TTC17: variants seen among roughly 807,000 people sequenced by gnomAD.
The protein encoded by TTC17 is tetratricopeptide repeat domain 17.
In TTC17, 58 loss-of-function variants were observed where a neutral mutation model predicts 143.8. The observed-to-expected ratio is 0.40, with a 90% CI of 0.33 to 0.50. TTC17 has a LOEUF of 0.50. TTC17 is among the 20% of genes least tolerant of loss of function. The pLI is 0.49. For synonymous variants in TTC17, 501 were observed against 497.8 expected (o/e 1.01, Z -0.09); for missense variants, 1,273 against 1,392.5 (o/e 0.91, Z 1.37).
At chr11:43,430,761 A>T (rs1246377594) in intron 16 of TTC17, among the ~76,000 whole-genome samples, 1 of 150,174 alleles carries the variant, frequency 6.7e-6, no homozygotes, top group Non-Finnish European at 1.5e-5. Context: ...AGTTGAAATT[A>T]TGCAGATACA....
intron 2 of TTC17, among the ~76,000 whole-genome samples, 169 bp from the exon 3 acceptor site, chr11:43,389,483 T>C (rs1439233588): frequency 1.3e-5 from 2 of 152,206 alleles, no homozygotes; most frequent in Non-Finnish European, 2.9e-5. Context: ...GGACATCTTT[T>C]TTGAGAAGCT....
intron 15 of TTC17, 23 bp downstream of exon 15, chr11:43,407,600 A>G (rs377355630): frequency 6.2e-7 from 1 of 1,601,520 alleles, no homozygotes; most frequent in African/African-American, 1.3e-5. Context: ...GGGATTTCAT[A>G]GTTCCGTATA....
At chr11:43,408,984 C>T (rs1342050780) in intron 15 of TTC17, among the ~76,000 whole-genome samples, 1 of 152,132 alleles carries the variant, frequency 6.6e-6, no homozygotes, top group African/African-American at 2.4e-5. Context: ...CTCAAGCAAT[C>T]CTCCCATCTC....
intron 21 of TTC17, among the ~76,000 whole-genome samples, chr11:43,464,253 T>G (rs1002897938): frequency 6.6e-6 from 1 of 151,654 alleles, no homozygotes; most frequent in Non-Finnish European, 1.5e-5. Context: ...GCACTCCAGC[T>G]TGGGCGATAG....
At chr11:43,470,091 A>G (rs1295454455) in intron 21 of TTC17, among the ~76,000 whole-genome samples, 3 of 152,264 alleles carry the variant, frequency 2.0e-5, no homozygotes, top group African/African-American at 7.2e-5. Context: ...TAATAAAACA[A>G]TAAAAGGCAG....
intron 21 of TTC17, among the ~76,000 whole-genome samples, chr11:43,475,371 G>A (rs576755750): frequency 2.0e-5 from 3 of 152,200 alleles, no homozygotes; most frequent in African/African-American, 7.2e-5. Context: ...GAAAGCAGTC[G>A]CCCAGGCTAA....
Position 43,391,348 on chromosome 11 carries a change from G to A in TTC17, c.420-117G>A, listed in dbSNP as rs1397025615. ...TAGGAGATCAAGGCTGCAGTGAGCT[G>A]TGATCATGCCACTGCACTCCAGCCT... On this transcript the variant is annotated intron_variant, in intron 3 of 23. Coordinates refer to ENST00000039989, the MANE Select transcript of TTC17 (RefSeq NM_018259.6). 2.2e-5 allele frequency: 15 copies of A among 676,806 alleles called. No homozygotes were observed. In the South Asian group the frequency reaches 2.5e-4, roughly 11 times the overall value. The allele number at this position is 676,806 out of a possible 1,614,324, so 41.9% of individuals were successfully genotyped here. A position where few individuals can be genotyped will look rare whatever the true frequency, so the allele number is the denominator to read the frequency against.
chr11:43,491,787 T>A, intron 22 of TTC17: 1 of 545,790 alleles, frequency 1.8e-6, no homozygotes, highest in South Asian at 2.4e-5. Context: ...TGACATTTTG[T>A]TGTGTTTGTT....
intron 2 of TTC17, among the ~76,000 whole-genome samples, chr11:43,387,123 A>C (rs563232360): frequency 1.3e-5 from 2 of 152,150 alleles, no homozygotes; most frequent in African/African-American, 4.8e-5. Context: ...TATTGGGGGG[A>C]AAAAATAAGC....
In TTC17 at chr11:43,375,330, G is replaced by C. The variant is rs147216650; in HGVS notation, c.160-3903G>C. On this transcript the variant is annotated intron_variant, in intron 1 of 23. Transcript: ENST00000039989. Reference sequence around the variant, plus strand: ...AGCAAGTGAGGTGCTTTTGCCACAGGGGGGACTTATGGATATTGGATAGCA... The same window carrying C: ...AGCAAGTGAGGTGCTTTTGCCACAGCGGGGACTTATGGATATTGGATAGCA... Among the ~76,000 whole-genome samples the C allele has an allele frequency of 4.6e-3, 701 of 152,212 alleles. 4 individuals carry two copies. The highest frequency in any genetic ancestry group is 0.016 in the African/African-American group (659 of 41,534).
intron 1 of TTC17, among the ~76,000 whole-genome samples, chr11:43,367,882 T>A (rs1351834368): frequency 6.6e-6 from 1 of 152,146 alleles, no homozygotes; most frequent in Non-Finnish European, 1.5e-5. Context: ...TATGCTCAGT[T>A]CTCACTAATC....
intron 21 of TTC17, among the ~76,000 whole-genome samples, chr11:43,463,104 C>T (rs112157010): frequency 0.097 from 14,751 of 151,500 alleles, 2,447 homozygotes; most frequent in African/African-American, 0.34. Flanking sequence ...TTAATAGAGA[C>T]GGGGTTTCAC....
At chr11:43,485,820 T>G (rs920943486) in intron 21 of TTC17, among the ~76,000 whole-genome samples, 3 of 151,422 alleles carry the variant, frequency 2.0e-5, no homozygotes, top group Admixed American at 6.6e-5. Context: ...TTAAACAATG[T>G]GAATGGGGTT....
At chr11:43,405,696 G>A (rs926152224) in intron 12 of TTC17, 67 bp downstream of exon 12, 22 of 1,610,980 alleles carry the variant, frequency 1.4e-5, no homozygotes, top group Non-Finnish European at 1.6e-5. Context: ...TTCTTTGAGA[G>A]CACCAGCCTT....
intron 16 of TTC17, among the ~76,000 whole-genome samples, chr11:43,415,361 G>A (rs1039113883): frequency 2.6e-5 from 4 of 152,016 alleles, no homozygotes; most frequent in Non-Finnish European, 2.9e-5. Context: ...TTGCACTTTC[G>A]TTATTAGAAC....
rs1857997623 is a variant in TTC17 at position 43,404,042 on chromosome 11, T to C, written c.1377T>C (p.Phe459=). 1.2e-6 allele frequency: 2 copies of C among 1,612,674 alleles called. No homozygotes were observed. Among genetic ancestry groups the C allele is most frequent in the Non-Finnish European group, 1.7e-6 (2 of 1,179,280 alleles). ...SSTSSMMSVN[F]DVQSNQSDIN... The stretch of plus-strand genomic sequence containing the variant: ...CCTCCAGTATGATGTCTGTGAACTT[T>C]GATGTTCAATCAAATCAGAGTGATA... Residue 459 remains phenylalanine (F), a synonymous_variant, in exon 11 of 24, where the codon TTT becomes TTC. Transcript: ENST00000039989.
chr11:43,489,307 T>C (rs1449234148), intron 21 of TTC17, among the ~76,000 whole-genome samples: 1 of 152,124 alleles, frequency 6.6e-6, no homozygotes, highest in Admixed American at 6.5e-5. Flanking sequence ...TCAACTCTAC[T>C]CATAAGAAAG....
At chr11:43,391,384 A>G (rs1445045722) in intron 3 of TTC17, 81 bp from the exon 4 acceptor site, 2 of 957,106 alleles carry the variant, frequency 2.1e-6, no homozygotes, top group Non-Finnish European at 3.2e-6. Flanking sequence ...GGGCAACAGA[A>G]TGAGACCCTT....
chr11:43,400,886 C>T (rs1379468563), intron 9 of TTC17, among the ~76,000 whole-genome samples: 1 of 152,158 alleles, frequency 6.6e-6, no homozygotes, highest in Non-Finnish European at 1.5e-5. Context: ...TTAATAGAAT[C>T]TCTTAATTAT....
Sources: gnomAD v4.1 joint callset for allele counts (sites outside exome capture counted in the v4.1 genomes callset) on GRCh38, gnomAD v4.1.1 for gene constraint, MANE v1.5 for transcripts, NCBI Gene and HGNC (gene_info 2026-07-23, HGNC 2026-07-21) for gene names.